Variants in ADAM23 observed in about 807,000 individuals in gnomAD.
ADAM23 encodes the protein disintegrin and metalloproteinase domain-containing protein 23.
A neutral mutation model predicts 120.1 loss-of-function variants in ADAM23; 33 were observed. The observed-to-expected ratio is 0.27, with a 90% CI of 0.21 to 0.37. The LOEUF (loss-of-function observed/expected upper bound fraction) is 0.37. ADAM23 is among the 10% of genes least tolerant of loss of function. The pLI, the probability that ADAM23 is intolerant of heterozygous loss-of-function variation, is 1.00. For missense variants in ADAM23, 862 were observed against 1,058.2 expected (o/e 0.81, Z 2.57); for synonymous variants, 367 against 375.2 (o/e 0.98, Z 0.25).
At chr2:206,545,344 G>T (rs1161249417) in intron 6 of ADAM23, among the ~76,000 whole-genome samples, 1 of 152,098 alleles carries the variant, frequency 6.6e-6, no homozygotes, top group Admixed American at 6.5e-5. Flanking sequence ...AAATTAGCTG[G>T]GCGTGGTGAC....
At chr2:206,598,887 G>A (rs779042293) in intron 24 of ADAM23, among the ~76,000 whole-genome samples, 6 of 151,394 alleles carry the variant, frequency 4.0e-5, no homozygotes, top group Non-Finnish European at 8.8e-5. Flanking sequence ...GTGATAGAGT[G>A]AGACACTGAG....
intron 13 of ADAM23, among the ~76,000 whole-genome samples, chr2:206,564,148 A>G (rs1035390513): frequency 1.3e-5 from 2 of 152,026 alleles, no homozygotes; most frequent in Admixed American, 6.6e-5. Flanking sequence ...CTCTCTCTAT[A>G]TAGGTATATA....
intron 3 of ADAM23, among the ~76,000 whole-genome samples, chr2:206,503,334 A>G (rs188017168): frequency 6.6e-6 from 1 of 152,224 alleles, no homozygotes; most frequent in Admixed American, 6.5e-5. Flanking sequence ...ACAAGAAGGT[A>G]CTTGTCTGAA....
At chr2:206,579,124 G>A (rs992553373) in intron 18 of ADAM23, among the ~76,000 whole-genome samples, 5 of 151,876 alleles carry the variant, frequency 3.3e-5, no homozygotes, top group Non-Finnish European at 7.4e-5. Flanking sequence ...TGTAGATTCT[G>A]GATATTATTT....
chr2:206,523,571 A>G (rs1014808637), intron 3 of ADAM23, among the ~76,000 whole-genome samples: 2 of 152,188 alleles, frequency 1.3e-5, no homozygotes, highest in African/African-American at 4.8e-5. Context: ...AAAGGAGTGT[A>G]TATTTTTTAG....
At chr2:206,567,545 C>G (rs185739538) in intron 15 of ADAM23, among the ~76,000 whole-genome samples, 225 of 152,266 alleles carry the variant, frequency 1.5e-3, no homozygotes, top group African/African-American at 5.1e-3. Flanking sequence ...TCAGTGCTAG[C>G]TAGAACTCCC....
intron 21 of ADAM23, 92 bp from the exon 22 acceptor site, chr2:206,592,525 T>A (rs1698443822): frequency 4.8e-6 from 7 of 1,453,600 alleles, no homozygotes; most frequent in East Asian, 2.3e-5. Context: ...GATAATATTT[T>A]AAAAATTTGA....
intron 4 of ADAM23, among the ~76,000 whole-genome samples, chr2:206,535,282 A>G (rs976557218): frequency 1.3e-5 from 2 of 152,364 alleles, no homozygotes; most frequent in African/African-American, 2.4e-5. Context: ...GAGGATGGCT[A>G]TAATGAAAAT....
At chr2:206,462,327 G>C (rs907114336) in intron 2 of ADAM23, among the ~76,000 whole-genome samples, 6 of 152,144 alleles carry the variant, frequency 3.9e-5, no homozygotes, top group Non-Finnish European at 5.9e-5. Context: ...TTCTCTCCCA[G>C]CACGCCCCAA....
intron 3 of ADAM23, among the ~76,000 whole-genome samples, chr2:206,501,717 A>G (rs1009052256): frequency 6.6e-6 from 1 of 152,126 alleles, no homozygotes; most frequent in East Asian, 1.9e-4. Flanking sequence ...TGAGTCTATA[A>G]GAACTTTTTG....
chr2:206,557,568 C>T, intron 10 of ADAM23, 70 bp downstream of exon 10: 2 of 1,366,270 alleles, frequency 1.5e-6, no homozygotes, highest in Non-Finnish European at 2.1e-6. Context: ...CTTACTTGTA[C>T]TTTAGGTATT....
At position 206,619,397 on chromosome 2, in the gene ADAM23, T is replaced by G. The variant is rs1348316397; in HGVS notation, c.*1770T>G. On this transcript the variant is annotated 3_prime_UTR_variant, in exon 26 of 26. Coordinates refer to ENST00000264377, the MANE Select transcript of ADAM23 (RefSeq NM_003812.4). ...TGTTAAGTAAATAAGCTGAAGAAAT[T>G]TGGTCCCGGCTTTGTTTTAATGTAC... 1 of 152,188 alleles carries G rather than the reference T, an allele frequency of 6.6e-6. No homozygotes were observed. Among genetic ancestry groups the G allele is most frequent in the African/African-American group, 2.4e-5 (1 of 41,434 alleles). The allele number at this position is 152,188 out of a possible 1,614,324, so 9.4% of individuals were successfully genotyped here.
chr2:206,554,072 T>G (rs976442842), intron 9 of ADAM23, among the ~76,000 whole-genome samples: 5 of 152,220 alleles, frequency 3.3e-5, no homozygotes, highest in Admixed American at 6.5e-5. Context: ...TATTTTTCTT[T>G]ATATGCAAAA....
At chr2:206,456,375 C>T (rs1197032724) in intron 2 of ADAM23, among the ~76,000 whole-genome samples, 2 of 151,444 alleles carry the variant, frequency 1.3e-5, no homozygotes, top group Non-Finnish European at 2.9e-5. Context: ...GGACCCTCCT[C>T]TAAAACTGGG....
At chr2:206,570,125 G>A (rs1428304314) in intron 15 of ADAM23, among the ~76,000 whole-genome samples, 2 of 152,108 alleles carry the variant, frequency 1.3e-5, no homozygotes, top group Non-Finnish European at 2.9e-5. Context: ...GATTATTCTA[G>A]AAATTATACT....
chr2:206,576,711 G>T (rs1201511569), intron 18 of ADAM23, among the ~76,000 whole-genome samples: 1 of 152,018 alleles, frequency 6.6e-6, no homozygotes, highest in Non-Finnish European at 1.5e-5. Flanking sequence ...ACCTCATAAT[G>T]TGTTTTTCTT....
At chr2:206,536,611 G>A (rs369940798) in intron 4 of ADAM23, among the ~76,000 whole-genome samples, 2 of 152,252 alleles carry the variant, frequency 1.3e-5, no homozygotes, top group African/African-American at 4.8e-5. Context: ...CGCTTAAAAC[G>A]TAACTGTGAG....
intron 2 of ADAM23, among the ~76,000 whole-genome samples, chr2:206,449,483 T>A (rs1236888281): frequency 2.0e-5 from 3 of 152,186 alleles, no homozygotes; most frequent in Non-Finnish European, 4.4e-5. Context: ...AAACTACTTG[T>A]CCTGCTGGGC....
chr2:206,473,928 G>T (rs1421180547), intron 2 of ADAM23, among the ~76,000 whole-genome samples: 1 of 150,154 alleles, frequency 6.7e-6, no homozygotes. Flanking sequence ...TGGGAGGATT[G>T]CTTCAGCTAG....
Sources: allele counts gnomAD v4.1 joint callset (sites outside exome capture counted in the v4.1 genomes callset), GRCh38; gene constraint gnomAD v4.1.1; transcripts MANE v1.5; gene names NCBI Gene and HGNC (gene_info 2026-07-23, HGNC 2026-07-21).